QRICH1: variants seen among roughly 807,000 people sequenced by gnomAD.
QRICH1 encodes the protein transcriptional regulator QRICH1.
A neutral mutation model predicts 87.1 loss-of-function variants in QRICH1; 16 were observed. The observed-to-expected ratio is 0.18, with a 90% CI of 0.12 to 0.28. The LOEUF (loss-of-function observed/expected upper bound fraction) is 0.28. Ranked by LOEUF, QRICH1 falls within the 10% of genes least tolerant of loss-of-function variation. The pLI is 1.00. For synonymous variants in QRICH1, 367 were observed against 368.4 expected (o/e 1.00, Z 0.05); for missense variants, 647 against 951.7 (o/e 0.68, Z 4.21).
chr3:49,053,595 T>C (rs1443481795), intron 3 of QRICH1, among the ~76,000 whole-genome samples: 1 of 152,036 alleles, frequency 6.6e-6, no homozygotes, highest in Admixed American at 6.6e-5. Context: ...GGGTCACTGC[T>C]GACCTTGACA....
intron 1 of QRICH1, among the ~76,000 whole-genome samples, chr3:49,080,056 A>C (rs1164593944): frequency 6.6e-6 from 1 of 151,308 alleles, no homozygotes; most frequent in Non-Finnish European, 1.5e-5. Context: ...CATCTTTCAT[A>C]ATAGAGATCC....
chr3:49,057,957 A>C lies in QRICH1; in HGVS notation c.310-67T>G, dbSNP rs765608601. The C allele has an allele frequency of 1.2e-6, 2 of 1,611,868 alleles. No individual in the cohort carries two copies. Among genetic ancestry groups the C allele is most frequent in the African/African-American group, 2.7e-5 (2 of 74,882 alleles). On this transcript the variant is annotated intron_variant, in intron 2 of 9. Coordinates refer to ENST00000395443, the MANE Select transcript of QRICH1 (RefSeq NM_198880.3). The surrounding 1 kb of genome is among the most constrained non-coding windows in gnomAD (Gnocchi z 5.4). ...CTGAAAATCCAGTACCCAAGGAAAG[A>C]AAGAAAAGAGATCCCAGACAGGGGA...
rs966652644 is a variant in QRICH1 at position 49,076,834 on chromosome 3, T to A, written c.184A>T (p.Ile62Leu). The A allele has an allele frequency of 1.9e-6, 3 of 1,613,906 alleles. No homozygotes were observed. The highest frequency in any genetic ancestry group is 1.3e-5 in the African/African-American group (1 of 74,938). The change falls in exon 2 of 10, where the codon ATA becomes TTA. Residue 62 changes from isoleucine (I) to leucine (L), a missense_variant. By Grantham distance (5) the Ile-to-Leu change is conservative. Coordinates refer to ENST00000395443, the MANE Select transcript of QRICH1 (RefSeq NM_198880.3). ...GCCACTTCAGTGCTGTCTGTGTATA[T>A]GCAGTTCCCACCCTGTTGGTACACC... Reference protein sequence around the residue: ...TMVYQQGGNCIYTDSTEVAGS... With the variant: ...TMVYQQGGNCLYTDSTEVAGS...
At chr3:49,088,244 T>C (rs1311759230) in intron 1 of QRICH1, among the ~76,000 whole-genome samples, 3 of 150,026 alleles carry the variant, frequency 2.0e-5, no homozygotes, top group Non-Finnish European at 3.0e-5. Context: ...TGAGCCACCG[T>C]GCCCGACCAG....
intron 3 of QRICH1, among the ~76,000 whole-genome samples, chr3:49,053,514 A>G (rs2093384489): frequency 6.7e-6 from 1 of 149,020 alleles, no homozygotes. Context: ...AACAAGTCTC[A>G]ACAATGGGCT....
intron 1 of QRICH1, among the ~76,000 whole-genome samples, chr3:49,079,475 T>C (rs1222821362): frequency 1.4e-5 from 2 of 147,928 alleles, no homozygotes; most frequent in Non-Finnish European, 3.0e-5. Flanking sequence ...AATTTTTACA[T>C]AAATATAAAA....
chr3:49,030,751 T>C (rs1440124477), intron 9 of QRICH1, 107 bp from the exon 10 acceptor site: 5 of 982,074 alleles, frequency 5.1e-6, no homozygotes, highest in South Asian at 3.5e-5. Context: ...CCCCAAGTTA[T>C]TGTGGCACAG....
chr3:49,093,203 G>A (rs1305219674), intron 1 of QRICH1: 1 of 152,310 alleles, frequency 6.6e-6, no homozygotes, highest in Non-Finnish European at 1.5e-5. Flanking sequence ...CAAACCAAGA[G>A]GGCTTGGTTT....
intron 6 of QRICH1, among the ~76,000 whole-genome samples, chr3:49,037,880 G>A (rs1193826462): frequency 6.6e-6 from 1 of 152,082 alleles, no homozygotes; most frequent in African/African-American, 2.4e-5. Flanking sequence ...TCAGGAGGCT[G>A]AGGCAGAATT....
chr3:49,069,236 G>C, intron 2 of QRICH1, among the ~76,000 whole-genome samples: 1 of 151,252 alleles, frequency 6.6e-6, no homozygotes, highest in African/African-American at 2.4e-5. Context: ...CCGAGTAGCT[G>C]GGATTACAGG....
Position 49,046,512 on chromosome 3 carries a change from G to A in QRICH1, c.1584C>T (p.Leu528=). The A allele has an allele frequency of 1.9e-6, 3 of 1,614,122 alleles. No individual in the cohort carries two copies. The highest frequency in any genetic ancestry group is 2.5e-6 in the Non-Finnish European group (3 of 1,180,030). The change falls in exon 5 of 10, where the codon CTC becomes CTT. Residue 528 remains leucine, a synonymous_variant. Coordinates refer to ENST00000395443, the MANE Select transcript of QRICH1 (RefSeq NM_198880.3). ...TTCGAGCTTCCCGTGTCATTAGACAGAGCCCATAATTCAACTCTGCCACAG... is the reference window on the plus strand; with the variant it reads ...TTCGAGCTTCCCGTGTCATTAGACAAAGCCCATAATTCAACTCTGCCACAG... ...SSAVAELNYG[L]CLMTREARNG... is the part of the protein sequence containing the mutation.
At chr3:49,048,271 T>C (rs1575336726) in intron 3 of QRICH1, among the ~76,000 whole-genome samples, 1 of 151,896 alleles carries the variant, frequency 6.6e-6, no homozygotes, top group East Asian at 2.0e-4. Context: ...TAGCTAGGAT[T>C]ACAGGCATGT....
At chr3:49,089,392 T>A (rs987258611) in intron 1 of QRICH1, among the ~76,000 whole-genome samples, 1 of 152,170 alleles carries the variant, frequency 6.6e-6, no homozygotes, top group African/African-American at 2.4e-5. Flanking sequence ...AACTAAAATT[T>A]GTATTTTTCC....
At chr3:49,041,641 T>C (rs2093310501) in intron 6 of QRICH1, among the ~76,000 whole-genome samples, 1 of 151,894 alleles carries the variant, frequency 6.6e-6, no homozygotes, top group South Asian at 2.1e-4. Context: ...ACTCCTTTTT[T>C]TTTTTCTGAG....
At chr3:49,082,957 T>C (rs2042091978) in intron 1 of QRICH1, among the ~76,000 whole-genome samples, 1 of 149,620 alleles carries the variant, frequency 6.7e-6, no homozygotes, top group Non-Finnish European at 1.5e-5. Context: ...CCTAGCACTA[T>C]GGACTTTGGG....
chr3:49,048,850 C>G (rs1172124671), intron 3 of QRICH1, among the ~76,000 whole-genome samples: 2 of 149,784 alleles, frequency 1.3e-5, no homozygotes, highest in Non-Finnish European at 3.0e-5. Flanking sequence ...TTATCTCCAG[C>G]CATTGTAAGG....
chr3:49,050,619 T>G (rs1192585422), intron 3 of QRICH1, among the ~76,000 whole-genome samples: 1 of 152,042 alleles, frequency 6.6e-6, no homozygotes, highest in Non-Finnish European at 1.5e-5. Flanking sequence ...GCTGATTCAA[T>G]CTGCAGCGTT....
rs2093382599 is a variant in QRICH1, at chr3:49,053,376, TACTCGGGAGGCTGAGGCAAAATGGTGTGA to T, written c.1338+3457_1338+3485del. 2.0e-5 allele frequency among the ~76,000 whole-genome samples: 3 copies of T among 150,730 alleles called. No homozygotes were observed. The South Asian group carries it at 6.3e-4, about 32-fold the overall frequency. The stretch of plus-strand genomic sequence containing the variant: ...GGTGGCGGGCGCCTGTAGTCCCAGC[TACTCGGGAGGCTGAGGCAAAATGGTGTGA>T]ACTCGGGAGGCGGAGGTTGCAGTGA... On this transcript the variant is annotated intron_variant, in intron 3 of 9. Transcript: ENST00000395443.
chr3:49,031,144 G>T (rs2093235816), intron 9 of QRICH1, among the ~76,000 whole-genome samples: 1 of 152,014 alleles, frequency 6.6e-6, no homozygotes, highest in Admixed American at 6.6e-5. Flanking sequence ...GAGCCACCAA[G>T]CCCAGCTAAT....
Sources: gnomAD v4.1 joint callset for allele counts (sites outside exome capture counted in the v4.1 genomes callset) on GRCh38, gnomAD v4.1.1 for gene constraint, Gnocchi (gnomAD v3.1) non-coding constraint, MANE v1.5 for transcripts, NCBI Gene and HGNC (gene_info 2026-07-23, HGNC 2026-07-21) for gene names.